TP63: variants seen among roughly 807,000 people sequenced by gnomAD.
TP63 encodes the protein tumor protein p63, also known as tumor protein 63.
Under a neutral mutation model 82.8 loss-of-function variants are expected in TP63, and 17 were observed. The observed-to-expected ratio is 0.21, with a 90% CI of 0.14 to 0.31. The LOEUF is 0.31. TP63 is among the 10% of genes least tolerant of loss of function. The pLI is 1.00. For synonymous variants in TP63, 330 were observed against 321.7 expected (o/e 1.03, Z -0.28); for missense variants, 648 against 895.3 (o/e 0.72, Z 3.52).
At chr3:189,779,715 T>C (rs1191957380) in intron 3 of TP63, among the ~76,000 whole-genome samples, 1 of 152,154 alleles carries the variant, frequency 6.6e-6, no homozygotes, top group Non-Finnish European at 1.5e-5. Flanking sequence ...GTATAGTTTA[T>C]TGTATGAACT....
chr3:189,606,974 A>G, the TP63 span, among the ~76,000 whole-genome samples: 1,901 of 152,214 alleles, frequency 0.012, 44 homozygotes, highest in African/African-American at 0.043. Context: ...TTTCTCTTTC[A>G]TGCTTCCCTG....
At chr3:189,755,400 C>T (rs1274464154) in intron 3 of TP63, among the ~76,000 whole-genome samples, 1 of 151,926 alleles carries the variant, frequency 6.6e-6, no homozygotes, top group East Asian at 1.9e-4. Context: ...TAACTATGAA[C>T]ATTTTTGGGG....
intron 1 of TP63, among the ~76,000 whole-genome samples, chr3:189,691,831 G>T (rs1281992615): frequency 1.3e-5 from 2 of 151,856 alleles, no homozygotes; most frequent in African/African-American, 2.4e-5. Context: ...ATAGAAATAG[G>T]CCAGTTAAAA....
chr3:189,842,789 G>T (rs746880587), intron 4 of TP63, among the ~76,000 whole-genome samples: 2 of 152,112 alleles, frequency 1.3e-5, no homozygotes, highest in African/African-American at 4.8e-5. Context: ...CATGATGGTC[G>T]TGACTTTAGG....
intron 1 of TP63, among the ~76,000 whole-genome samples, chr3:189,722,169 G>A (rs948671030): frequency 2.0e-5 from 3 of 152,128 alleles, no homozygotes; most frequent in Non-Finnish European, 2.9e-5. Flanking sequence ...CTCTCTGGGG[G>A]CCAGATTAAA....
the TP63 span, among the ~76,000 whole-genome samples, chr3:189,611,026 C>A: frequency 3.9e-5 from 6 of 152,152 alleles, no homozygotes; most frequent in Non-Finnish European, 8.8e-5. Context: ...CATTCAATTA[C>A]CTCCAATTGG....
At chr3:189,692,980 A>T (rs1222523410) in intron 1 of TP63, among the ~76,000 whole-genome samples, 1 of 152,140 alleles carries the variant, frequency 6.6e-6, no homozygotes, top group East Asian at 1.9e-4. Flanking sequence ...TATTATGAAA[A>T]TCTTTAGAAA....
chr3:189,829,875 T>C, intron 4 of TP63: 1 of 384,118 alleles, frequency 2.6e-6, no homozygotes, highest in Non-Finnish European at 5.3e-6. Context: ...AACCTTAATT[T>C]TTTTCAACCA....
At chr3:189,886,340 T>TC in intron 10 of TP63, 54 bp from the exon 11 acceptor site, 1 of 1,583,616 alleles carries the variant, frequency 6.3e-7, no homozygotes, top group Non-Finnish European at 8.7e-7. Context: ...AAATCAATAG[T>TC]CCCCACTCTT....
intron 10 of TP63, among the ~76,000 whole-genome samples, chr3:189,878,177 A>C (rs775995266): frequency 6.6e-6 from 1 of 152,136 alleles, no homozygotes; most frequent in Non-Finnish European, 1.5e-5. Context: ...TATTTTCAGT[A>C]TTATCAATGT....
intron 1 of TP63, among the ~76,000 whole-genome samples, chr3:189,645,042 C>A (rs921268773): frequency 1.3e-5 from 2 of 152,014 alleles, no homozygotes; most frequent in Non-Finnish European, 2.9e-5. Context: ...ATTCAGACAT[C>A]CTAGTTTCCA....
intron 10 of TP63, among the ~76,000 whole-genome samples, chr3:189,878,975 A>G (rs539469902): frequency 2.3e-4 from 35 of 151,550 alleles, no homozygotes; most frequent in East Asian, 9.8e-4. Flanking sequence ...CAGGGCAGAG[A>G]TTTATTATCT....
intron 1 of TP63, among the ~76,000 whole-genome samples, chr3:189,710,610 A>G (rs1298363228): frequency 6.6e-6 from 1 of 152,178 alleles, no homozygotes; most frequent in Non-Finnish European, 1.5e-5. Context: ...TATACTTGCT[A>G]AAGATGCGTT....
chr3:189,632,723 GTT>G (rs1431673589), intron 1 of TP63, among the ~76,000 whole-genome samples: 1 of 152,054 alleles, frequency 6.6e-6, no homozygotes, highest in African/African-American at 2.4e-5. Flanking sequence ...GTGTCTTGCT[GTT>G]TACCACAAAC....
chr3:189,793,335 C>T (rs1194422690), intron 3 of TP63, among the ~76,000 whole-genome samples: 1 of 152,038 alleles, frequency 6.6e-6, no homozygotes, highest in Non-Finnish European at 1.5e-5. Context: ...GCATGTCACA[C>T]GTACAGCAGA....
chr3:189,745,626 G>A (rs1047448127), intron 3 of TP63, among the ~76,000 whole-genome samples: 22 of 136,552 alleles, frequency 1.6e-4, no homozygotes, highest in Non-Finnish European at 2.7e-4. Flanking sequence ...AGAATCGCTT[G>A]AACCCAGGAG....
intron 1 of TP63, among the ~76,000 whole-genome samples, chr3:189,640,416 G>A (rs1711728345): frequency 6.6e-6 from 1 of 152,124 alleles, no homozygotes; most frequent in Non-Finnish European, 1.5e-5. Context: ...TGATGTGGCT[G>A]TAATTGAGAA....
At chr3:189,742,391 A>G (rs1721061940) in intron 3 of TP63, among the ~76,000 whole-genome samples, 1 of 151,850 alleles carries the variant, frequency 6.6e-6, no homozygotes, top group Non-Finnish European at 1.5e-5. Flanking sequence ...GATGCTAACT[A>G]CATAACTCTT....
intron 4 of TP63, among the ~76,000 whole-genome samples, chr3:189,836,913 C>A (rs1713230336): frequency 6.6e-6 from 1 of 152,206 alleles, no homozygotes; most frequent in Non-Finnish European, 1.5e-5. Flanking sequence ...AAAACACACA[C>A]ATATATGTAT....
Sources: gnomAD v4.1 joint callset for allele counts (sites outside exome capture counted in the v4.1 genomes callset) on GRCh38, gnomAD v4.1.1 for gene constraint, MANE v1.5 for transcripts, NCBI Gene and HGNC (gene_info 2026-07-23, HGNC 2026-07-21) for gene names.